The following ARX variants were observed in gnomAD, a reference collection of about 807,000 sequenced individuals.
ARX encodes the protein homeobox protein ARX.
Under a neutral mutation model 23.1 loss-of-function variants are expected in ARX, and 1 was observed. The observed-to-expected ratio is 0.04, with a 90% CI of 0.02 to 0.21. The LOEUF is 0.21. Among genes scored for constraint, ARX ranks in the 10% least tolerant of loss-of-function variants. The probability of loss-of-function intolerance (pLI) is 1.00; values close to 1 mark genes in which losing one functional copy is unlikely to be tolerated. For missense variants in ARX, 380 were observed against 527.5 expected, an observed-to-expected ratio of 0.72 and a Z score of 2.74; for synonymous variants, 301 against 270.1, an observed-to-expected ratio of 1.11 and a Z score of -1.12.
chrX:25,007,483 C>T (rs1248487728), intron 3 of ARX, 44 bp from the exon 4 acceptor site: 1 of 1,133,703 alleles, frequency 8.8e-7, no homozygotes, highest in Non-Finnish European at 1.2e-6. Context: ...CTCGGCCCGG[C>T]GGGCGCACCG....
At chrX:25,015,228 G>C (rs2147325176) in intron 1 of ARX, among the ~76,000 whole-genome samples, 1 of 111,565 alleles carries the variant, frequency 9.0e-6, no homozygotes, top group South Asian at 3.8e-4. Context: ...GCCATCTACT[G>C]TTTCTGACCT....
rs1301639184 is a variant in ARX at position 25,004,784 on chromosome X, T to A, written c.1575A>T (p.Ala525=). Residue 525 remains alanine, a synonymous_variant, in exon 5 of 5, where the codon GCA becomes GCT. Coordinates refer to ENST00000379044, the MANE Select transcript of ARX (RefSeq NM_139058.3). ...CGGCTATGCTAGAGGCGCGTCTGTC[T>A]GCGGCCGCCGTGGCCGGGTCGGCCA... is the stretch of plus-strand genomic sequence containing the variant. ...GALADPATAA[A]DRRASSIAAL... is the part of the protein sequence containing the mutation. 1.7e-6 allele frequency: 2 copies of A among 1,169,196 alleles called. No individual in the cohort carries two copies. The highest frequency in any genetic ancestry group is 5.0e-5 in the Admixed American group (2 of 39,629).
Position 25,015,731 on chromosome X carries a change from T to C in ARX, c.7A>G (p.Asn3Asp). Residue 3 changes from asparagine (N) to aspartate (D), a missense_variant, in exon 1 of 5, where the codon AAT (asparagine) becomes GAT (aspartate). By Grantham distance (23) the Asn-to-Asp change is conservative. Around this residue, in one of 3 missense-constraint regions of ARX, gnomAD observed 235 missense variants for 270.2 expected, o/e 0.87. Transcript: ENST00000379044. MS[N>D]QYQEEGCSER... ...GAGCAGCCCTCCTCCTGGTACTGAT[T>C]GCTCATGGCTGGGGCTTTTTCCCAG... 5.9e-6 allele frequency: 7 copies of C among 1,195,611 alleles called. No individual in the cohort carries two copies. Among genetic ancestry groups the C allele is most frequent in the Non-Finnish European group, 7.9e-6 (7 of 885,807 alleles).
At chrX:25,006,720 T>C in intron 4 of ARX, 1 of 124,467 alleles carries the variant, frequency 8.0e-6, no homozygotes. Flanking sequence ...GGCTGCCAGG[T>C]TGGGGGGCAT....
intron 3 of ARX, 113 bp downstream of exon 3, chrX:25,010,147 G>C (rs1294567890): frequency 2.4e-6 from 2 of 845,021 alleles, no homozygotes; most frequent in African/African-American, 4.1e-5. Flanking sequence ...TGCTTCTCTT[G>C]GTTTTGTGAA....
At position 25,011,747 on chromosome X, in the gene ARX, C is replaced by T. The variant is rs756343941; in HGVS notation, c.1073+1175G>A. On this transcript the variant is annotated intron_variant, in intron 2 of 4. Coordinates refer to ENST00000379044, the MANE Select transcript of ARX (RefSeq NM_139058.3). ...AGGCCAACTACATTTTGGAGTAGCT[C>T]GGCCTCCCGAGCCCTAAGCAGCGAT... 1.2e-4 allele frequency among the ~76,000 whole-genome samples: 13 copies of T among 112,769 alleles called. No homozygotes were observed. The East Asian group carries it at 3.6e-3, about 32-fold the overall frequency.
Position 25,005,061 on chromosome X carries a change from C to A in ARX, c.1449-151G>T, listed in dbSNP as rs942619460. ...GCGGCGGGGAAGTGGGCAGAGGGCG[C>A]GGGCGGAAGCTGGACCCCGCAGAGA... On this transcript the variant is annotated intron_variant, in intron 4 of 4. Coordinates refer to ENST00000379044, the MANE Select transcript of ARX (RefSeq NM_139058.3). 7 of 816,694 alleles carry A rather than the reference C, an allele frequency of 8.6e-6. No individual in the cohort carries two copies. The African/African-American group carries it at 1.6e-4, about 18-fold the overall frequency. The allele number at this position is 816,694 out of a possible 1,213,427, so 67.3% of individuals were successfully genotyped here.
At chrX:25,012,575 C>T (rs1489537427) in intron 2 of ARX, among the ~76,000 whole-genome samples, 2 of 113,175 alleles carry the variant, frequency 1.8e-5, no homozygotes, top group East Asian at 5.6e-4. Flanking sequence ...GTGTCTGTGC[C>T]CTCTGCTGTG....
intron 2 of ARX, among the ~76,000 whole-genome samples, chrX:25,012,448 G>C (rs1386950109): frequency 8.9e-6 from 1 of 112,702 alleles, no homozygotes; most frequent in Non-Finnish European, 1.9e-5. Context: ...GGCACCAGGC[G>C]GGGGTGGCGA....
chrX:25,004,647 G>A lies in ARX; in HGVS notation c.*23C>T, dbSNP rs2048668627. ...AGGTGACCTTTCGGGGCGCGCGCGG[G>A]GCGCGGGTGTGGAGGGCAGCCTTTA... On this transcript the variant is annotated 3_prime_UTR_variant, in exon 5 of 5. Transcript: ENST00000379044. The A allele has an allele frequency of 8.6e-7, 1 of 1,164,608 alleles. No homozygotes were observed. Among genetic ancestry groups the A allele is most frequent in the South Asian group, 1.9e-5 (1 of 52,658 alleles).
rs575626697 is a variant in ARX, at chrX:25,015,182, T to C, written c.196+360A>G. Among the ~76,000 whole-genome samples the C allele has an allele frequency of 5.5e-3, 615 of 112,348 alleles. 3 individuals carry two copies. The highest frequency in any genetic ancestry group is 9.2e-3 in the Non-Finnish European group (489 of 53,270). On this transcript the variant is annotated intron_variant, in intron 1 of 4. Coordinates refer to ENST00000379044, the MANE Select transcript of ARX (RefSeq NM_139058.3). ...CCCGATTCACCAGCTTTTGGGCTTC[T>C]TGTCTTCATCAAGTTGGTGCTACAA...
At position 25,013,712 on chromosome X, in the gene ARX, G is replaced by A; in HGVS notation, c.283C>T (p.Arg95Cys). The change falls in exon 2 of 5, where the codon CGC (arginine) becomes TGC (cysteine). Residue 95 changes from arginine (R) to cysteine (C), a missense_variant. Coordinates refer to ENST00000379044, the MANE Select transcript of ARX (RefSeq NM_139058.3). ...LRRLYGPGGG[R>C]LLQGAAAAAA... Reference sequence around the variant, plus strand: ...GCCGCTGCCGCACCCTGAAGGAGGCGGCCCCCGCCCGGGCCGTACAGGCGC... The same window carrying A: ...GCCGCTGCCGCACCCTGAAGGAGGCAGCCCCCGCCCGGGCCGTACAGGCGC... 2 of 912,067 alleles carry A rather than the reference G, an allele frequency of 2.2e-6. No individual in the cohort carries two copies. The highest frequency in any genetic ancestry group is 2.1e-5 in the African/African-American group (1 of 48,242). 75.2% of individuals were successfully genotyped at this position (912,067 alleles called of 1,213,427 possible).
intron 3 of ARX, among the ~76,000 whole-genome samples, chrX:25,007,752 A>G (rs771560947): frequency 1.1e-4 from 12 of 112,282 alleles, no homozygotes; most frequent in Non-Finnish European, 2.1e-4. Flanking sequence ...ACCAAAGTTT[A>G]AACGTCTGTG....
intron 2 of ARX, among the ~76,000 whole-genome samples, chrX:25,011,992 C>T (rs1018685795): frequency 4.4e-5 from 5 of 112,430 alleles, no homozygotes; most frequent in Non-Finnish European, 7.5e-5. Flanking sequence ...GATCCCTACC[C>T]GGGCCGGCGC....
chrX:25,004,842 G>T lies in ARX; in HGVS notation c.1517C>A (p.Pro506His). ...CGATGCCACTGCGCCCTCCACGGCG[G>T]GTGTGGGCTGTCTCAGGAGCGCGGC... ...TAAALLRQPT[P>H]AVEGAVASGA... is the part of the protein sequence containing the mutation. The change falls in exon 5 of 5, where the codon CCC (proline) becomes CAC (histidine). Residue 506 changes from proline to histidine, a missense_variant. Coordinates refer to ENST00000379044, the MANE Select transcript of ARX (RefSeq NM_139058.3). 8.6e-7 allele frequency: 1 copy of T among 1,169,119 alleles called. No homozygotes were observed. The highest frequency in any genetic ancestry group is 1.1e-6 in the Non-Finnish European group (1 of 874,433).
In ARX at chrX:25,004,805, G is replaced by A. The variant is rs1230415522; in HGVS notation, c.1554C>T (p.Ala518=). 2 of 1,173,155 alleles carry A rather than the reference G, an allele frequency of 1.7e-6. No individual in the cohort carries two copies. The highest frequency in any genetic ancestry group is 2.3e-6 in the Non-Finnish European group (2 of 876,964). Residue 518 remains alanine, a synonymous_variant, in exon 5 of 5, where the codon GCC becomes GCT. Coordinates refer to ENST00000379044, the MANE Select transcript of ARX (RefSeq NM_139058.3). ...VEGAVASGAL[A]DPATAAADRR... ...TGTCTGCGGCCGCCGTGGCCGGGTC[G>A]GCCAGGGCGCCCGATGCCACTGCGC... is the stretch of plus-strand genomic sequence containing the variant.
rs1274011598 is a variant in ARX at position 25,004,046 on chromosome X, C to G, written c.*624G>C. On this transcript the variant is annotated 3_prime_UTR_variant, in exon 5 of 5. Transcript: ENST00000379044. ...AGAATCAATAATCACAGTTTGGTGA[C>G]TTCAACAGTCCATATTCTAGCAGAG... 3 of 105,808 alleles carry G rather than the reference C, an allele frequency of 2.8e-5. No homozygotes were observed. Among genetic ancestry groups the G allele is most frequent in the Non-Finnish European group, 5.8e-5 (3 of 52,064 alleles). The allele number at this position is 105,808 out of a possible 1,213,427, so 8.7% of individuals were successfully genotyped here.
rs1443234884 is a variant in ARX, at chrX:25,013,312, T to C, written c.683A>G (p.Glu228Gly). The C allele has an allele frequency of 8.7e-7, 1 of 1,153,691 alleles. No individual in the cohort carries two copies. Among genetic ancestry groups the C allele is most frequent in the Non-Finnish European group, 1.1e-6 (1 of 871,667 alleles). Reference sequence around the variant, plus strand: ...ATCTTCTTCGTCCTCCAGCAGCTCCTCCTCGTCGTCCTCGGTGCCGGTGCC... The same window carrying C: ...ATCTTCTTCGTCCTCCAGCAGCTCCCCCTCGTCGTCCTCGGTGCCGGTGCC... The part of the protein sequence containing the change: ...GGGTGTEDDE[E>G]ELLEDEEDED... Residue 228 changes from glutamate to glycine, a missense_variant, in exon 2 of 5, where the codon GAG (glutamate) becomes GGG (glycine). This residue lies in a region of ARX where 235 missense variants were observed against 270.2 expected (regional missense o/e 0.87). Transcript: ENST00000379044.
At position 25,004,623 on chromosome X, in the gene ARX, G is replaced by A; in HGVS notation, c.*47C>T. 1 of 1,163,327 alleles carries A rather than the reference G, an allele frequency of 8.6e-7. No homozygotes were observed. Among genetic ancestry groups the A allele is most frequent in the Non-Finnish European group, 1.1e-6 (1 of 872,525 alleles). ...TTTGGTCTTGAGTGGTGCTGAGTGA[G>A]GTGACCTTTCGGGGCGCGCGCGGGG... is the stretch of plus-strand genomic sequence containing the variant. On this transcript the variant is annotated 3_prime_UTR_variant, in exon 5 of 5. Coordinates refer to ENST00000379044, the MANE Select transcript of ARX (RefSeq NM_139058.3).
Sources: allele counts gnomAD v4.1 joint callset (sites outside exome capture counted in the v4.1 genomes callset), GRCh38; gene constraint gnomAD v4.1.1; regional missense constraint gnomAD v4.1.1; transcripts MANE v1.5; gene names NCBI Gene and HGNC (gene_info 2026-07-23, HGNC 2026-07-21).